MAP2K7: variants seen among roughly 807,000 people sequenced by gnomAD.
MAP2K7 encodes the protein dual specificity mitogen-activated protein kinase kinase 7.
MAP2K7 carries 12 observed loss-of-function variants against 47.7 expected under a neutral mutation model. The ratio of observed to expected loss-of-function variants is 0.25; its 90% CI spans 0.16 to 0.41. The LOEUF is 0.41. Among genes scored for constraint, MAP2K7 ranks in the 10% least tolerant of loss-of-function variants. MAP2K7 has a pLI of 1.00. For synonymous variants in MAP2K7, 299 were observed against 243.0 expected (o/e 1.23, Z -2.14); for missense variants, 415 against 600.3 (o/e 0.69, Z 3.23).
rs10412007 is a variant in MAP2K7 at position 7,911,231 on chromosome 19, T to C, written c.856-19T>C. On this transcript the variant is annotated intron_variant, in intron 7 of 10. Coordinates refer to ENST00000397979, the MANE Select transcript of MAP2K7 (RefSeq NM_145185.4). ...CGGCCCCAGCCTTGGAGATACGTCT[T>C]CTCCTCCCCCCCCTGCAGCCCGAGC... 950,542 of 1,605,132 alleles carry C rather than the reference T, an allele frequency of 0.59. 283,355 individuals are homozygous for C. The highest frequency in any genetic ancestry group is 0.73 in the African/African-American group (54,802 of 74,580).
chr19:7,907,287 G>C (rs367874993), intron 1 of MAP2K7, among the ~76,000 whole-genome samples: 6 of 152,170 alleles, frequency 3.9e-5, no homozygotes, highest in African/African-American at 1.4e-4. Context: ...AGTAGATGGG[G>C]TGCCTGGCCC....
At chr19:7,905,962 C>A (rs931629275) in intron 1 of MAP2K7, 3 of 962,544 alleles carry the variant, frequency 3.1e-6, no homozygotes, top group Non-Finnish European at 3.3e-6. Context: ...TGTGTGTCCC[C>A]ATGTCCCTTC....
Position 7,912,560 on chromosome 19 carries a change from G to A in MAP2K7, c.*129G>A. The A allele has an allele frequency of 8.7e-7, 1 of 1,152,526 alleles. No homozygotes were observed. The highest frequency in any genetic ancestry group is 1.6e-5 in the South Asian group (1 of 61,734). 71.4% of individuals were successfully genotyped at this position (1,152,526 alleles called of 1,614,324 possible). A position where few individuals can be genotyped will look rare whatever the true frequency, so the allele number is the denominator to read the frequency against. ...ACGGCCACCTAGGACTGAGGACAGA[G>A]AGTGGGGGGTGCCCACCCACCCCCC... is the stretch of plus-strand genomic sequence containing the variant. On this transcript the variant is annotated 3_prime_UTR_variant, in exon 11 of 11. Coordinates refer to ENST00000397979, the MANE Select transcript of MAP2K7 (RefSeq NM_145185.4).
rs1285657260 is a variant in MAP2K7 at position 7,905,941 on chromosome 19, C to T, written c.124+1873C>T. On this transcript the variant is annotated intron_variant, in intron 1 of 10. Coordinates refer to ENST00000397979, the MANE Select transcript of MAP2K7 (RefSeq NM_145185.4). ...GGCCGCAGAATGGCGTCCCCCAGCC[C>T]CCATGCTCTGTGTGTGTCCCCATGT... 1.9e-5 allele frequency: 23 copies of T among 1,202,312 alleles called. No homozygotes were observed. The Admixed American group carries it at 3.9e-4, about 20-fold the overall frequency. The allele number at this position is 1,202,312 out of a possible 1,614,324, so 74.5% of individuals were successfully genotyped here. A position where few individuals can be genotyped will look rare whatever the true frequency, so the allele number is the denominator to read the frequency against.
intron 1 of MAP2K7, among the ~76,000 whole-genome samples, chr19:7,909,145 G>T (rs1475205451): frequency 6.6e-6 from 1 of 152,222 alleles, no homozygotes; most frequent in East Asian, 1.9e-4. Context: ...CCCCAGCTCT[G>T]CAGGCCAGGC....
At chr19:7,909,178 A>G (rs1982652985) in intron 1 of MAP2K7, among the ~76,000 whole-genome samples, 1 of 152,150 alleles carries the variant, frequency 6.6e-6, no homozygotes, top group Admixed American at 6.5e-5. Flanking sequence ...ATGTCAGCCC[A>G]CTGGCCCGAG....
chr19:7,908,139 T>G (rs113708125), intron 1 of MAP2K7, among the ~76,000 whole-genome samples: 4,811 of 148,250 alleles, frequency 0.032, 214 homozygotes, highest in African/African-American at 0.1. Context: ...CACTCCAGCC[T>G]GGGTGACAGA....
intron 8 of MAP2K7, 50 bp from the exon 9 acceptor site, chr19:7,911,386 C>T (rs376223763): frequency 2.2e-5 from 35 of 1,613,224 alleles, no homozygotes; most frequent in East Asian, 4.5e-5. Context: ...CTGGGGGACT[C>T]GGAGGGAGGA....
chr19:7,903,886 T>G lies in MAP2K7; in HGVS notation c.-59T>G. ...ATCCGGGCGCAGGCGCAGTGCGGTG[T>G]TTGTCTGCCGGACTGACGGGCGGCC... On this transcript the variant is annotated 5_prime_UTR_variant, in exon 1 of 11. Coordinates refer to ENST00000397979, the MANE Select transcript of MAP2K7 (RefSeq NM_145185.4). 7.5e-7 allele frequency: 1 copy of G among 1,325,722 alleles called. No homozygotes were observed. The highest frequency in any genetic ancestry group is 1.0e-6 in the Non-Finnish European group (1 of 1,002,130). The allele number at this position is 1,325,722 out of a possible 1,614,324, so 82.1% of individuals were successfully genotyped here.
chr19:7,905,277 G>T (rs1167642841), intron 1 of MAP2K7, among the ~76,000 whole-genome samples: 1 of 152,078 alleles, frequency 6.6e-6, no homozygotes, highest in Admixed American at 6.6e-5. Flanking sequence ...CCCGTATCTG[G>T]GCACCCCACC....
At position 7,903,933 on chromosome 19, in the gene MAP2K7, G is replaced by A; in HGVS notation, c.-12G>A. On this transcript the variant is annotated 5_prime_UTR_variant, in exon 1 of 11. Coordinates refer to ENST00000397979, the MANE Select transcript of MAP2K7 (RefSeq NM_145185.4). ...GGCCGGGCGGTGCGCGGCGGCGGTG[G>A]CGGCGGGGAAGATGGCGGCGTCCTC... 1.3e-6 allele frequency: 2 copies of A among 1,515,280 alleles called. No individual in the cohort carries two copies. The highest frequency in any genetic ancestry group is 1.8e-6 in the Non-Finnish European group (2 of 1,131,482). 93.9% of individuals were successfully genotyped at this position (1,515,280 alleles called of 1,614,324 possible).
chr19:7,911,201 G>C (rs778205789), intron 7 of MAP2K7, 42 bp downstream of exon 7: 1 of 1,607,794 alleles, frequency 6.2e-7, no homozygotes, highest in Non-Finnish European at 8.5e-7. Flanking sequence ...TGGGGGCTGG[G>C]AGGCCGGCCC....
At chr19:7,909,275 C>G (rs570725617) in intron 1 of MAP2K7, among the ~76,000 whole-genome samples, 1 of 152,250 alleles carries the variant, frequency 6.6e-6, no homozygotes, top group Non-Finnish European at 1.5e-5. Context: ...CAGCGTGGCC[C>G]TGCTCGCTCT....
chr19:7,910,149 G>A lies in MAP2K7; in HGVS notation c.333+20G>A, dbSNP rs1258146197. 5.0e-6 allele frequency: 8 copies of A among 1,596,994 alleles called. No individual in the cohort carries two copies. The highest frequency in any genetic ancestry group is 3.5e-5 in the Admixed American group (2 of 57,832). On this transcript the variant is annotated intron_variant, in intron 3 of 10. Transcript: ENST00000397979. ...GGCCAGGTACCACCTTCACTGTGGC[G>A]GGGAGAGGGAGGAGGCCCAGCCAGG... is the stretch of plus-strand genomic sequence containing the variant.
intron 1 of MAP2K7, 116 bp downstream of exon 1, chr19:7,904,184 C>A: frequency 1.2e-6 from 1 of 841,448 alleles, no homozygotes; most frequent in Non-Finnish European, 1.5e-6. Flanking sequence ...GCTCTCCTCT[C>A]CGCCCCCCCC....
chr19:7,904,575 C>T (rs543555166), intron 1 of MAP2K7: 2 of 192,692 alleles, frequency 1.0e-5, no homozygotes, highest in South Asian at 1.0e-4. Flanking sequence ...GAGCCCCTCC[C>T]CATCTCTTCT....
chr19:7,904,526 C>A (rs1402332542), intron 1 of MAP2K7: 4 of 266,902 alleles, frequency 1.5e-5, no homozygotes, highest in South Asian at 2.7e-5. Flanking sequence ...CACACGCGCA[C>A]GCCTGGCTCG....
chr19:7,911,348 C>A lies in MAP2K7; in HGVS notation c.936+18C>A. ...TCTCGTTGGTGAGTTGGGGCCCTCC[C>A]CTGTTCTCCAGCCAGGAGTGAGGGC... On this transcript the variant is annotated intron_variant, in intron 8 of 10. Coordinates refer to ENST00000397979, the MANE Select transcript of MAP2K7 (RefSeq NM_145185.4). 3 of 1,613,482 alleles carry A rather than the reference C, an allele frequency of 1.9e-6. No individual in the cohort carries two copies. Among genetic ancestry groups the A allele is most frequent in the Non-Finnish European group, 2.5e-6 (3 of 1,179,996 alleles).
rs764688588 is a variant in MAP2K7, at chr19:7,904,083, G to GT, written c.124+16dup. On this transcript the variant is annotated intron_variant, in intron 1 of 10. Coordinates refer to ENST00000397979, the MANE Select transcript of MAP2K7 (RefSeq NM_145185.4). ...GCCCAGGCCCAGTAAGCACGGCGGC[G>GT]TGGGGGAGGGGGCGGGCGGGCGGGG... 6 of 1,307,060 alleles carry GT rather than the reference G, an allele frequency of 4.6e-6. No homozygotes were observed. In the South Asian group the frequency reaches 1.1e-4, roughly 25 times the overall value. 81.0% of individuals were successfully genotyped at this position (1,307,060 alleles called of 1,614,324 possible). A position where few individuals can be genotyped will look rare whatever the true frequency, so the allele number is the denominator to read the frequency against.
Sources: allele counts gnomAD v4.1 joint callset (sites outside exome capture counted in the v4.1 genomes callset), GRCh38; gene constraint gnomAD v4.1.1; transcripts MANE v1.5; gene names NCBI Gene and HGNC (gene_info 2026-07-23, HGNC 2026-07-21).